The following FAM151A variants were observed in gnomAD, a reference collection of about 807,000 sequenced individuals.
The protein encoded by FAM151A is protein FAM151A.
In FAM151A, 41 loss-of-function variants were observed where a neutral mutation model predicts 40.4. The observed-to-expected ratio is 1.01, with a 90% CI of 0.79 to 1.32. FAM151A has a LOEUF of 1.32. Among genes scored for constraint, FAM151A ranks in the 40% most tolerant of loss-of-function variants. The pLI is 0.00. For synonymous variants in FAM151A, 337 were observed against 312.5 expected, an observed-to-expected ratio of 1.08 and a Z score of -0.83; for missense variants, 740 against 740.4, an observed-to-expected ratio of 1.00 and a Z score of 0.01.
At position 54,619,945 on chromosome 1, in the gene FAM151A, G is replaced by T. The variant is rs1557674081; in HGVS notation, c.181C>A (p.Gln61Lys). Reference sequence around the variant, plus strand: ...TCCAAGGCATCTCGCCGGCTGATCTGGCCCAGGCTCAGCAGGTAGTCCAGC... The same window carrying T: ...TCCAAGGCATCTCGCCGGCTGATCTTGCCCAGGCTCAGCAGGTAGTCCAGC... ...DMLDYLLSLG[Q>K]ISRRDALEVT... The change falls in exon 2 of 8, where the codon CAG becomes AAG. Residue 61 changes from glutamine (Q) to lysine (K), a missense_variant. Coordinates refer to ENST00000302250, the MANE Select transcript of FAM151A (RefSeq NM_176782.3). The T allele has an allele frequency of 6.2e-7, 1 of 1,614,038 alleles. No homozygotes were observed. The highest frequency in any genetic ancestry group is 1.3e-5 in the African/African-American group (1 of 74,924).
chr1:54,611,057 T>G (rs887125974), intron 6 of FAM151A: 1 of 972,190 alleles, frequency 1.0e-6, no homozygotes, highest in Non-Finnish European at 1.2e-6. Flanking sequence ...CTGGGCCACA[T>G]AAAAGCTGAG....
intron 2 of FAM151A, 54 bp downstream of exon 2, chr1:54,619,810 C>CT (rs1644210827): frequency 6.3e-7 from 1 of 1,581,478 alleles, no homozygotes; most frequent in Non-Finnish European, 8.6e-7. Flanking sequence ...TTCTCTCCCT[C>CT]TGTCTTCTCT....
chr1:54,610,680 G>A lies in FAM151A; in HGVS notation c.941-125C>T, dbSNP rs1644108597. 1.4e-5 allele frequency: 20 copies of A among 1,437,050 alleles called. 1 individual carries two copies. The South Asian group carries it at 3.0e-4, about 21-fold the overall frequency. 89.0% of individuals were successfully genotyped at this position (1,437,050 alleles called of 1,614,324 possible). On this transcript the variant is annotated intron_variant, in intron 6 of 7. Transcript: ENST00000302250. ...TCTAAGCCTCATAGCACCCTGCCAA[G>A]TAGCTCTCATTTCCTTGCCTTGTAG...
In FAM151A at chr1:54,609,255, C is replaced by A; in HGVS notation, c.*13G>T. On this transcript the variant is annotated 3_prime_UTR_variant, in exon 8 of 8. Transcript: ENST00000302250. ...TCCGCCCTGAGGTCCGCTGGCCCACCACCCCTGGGTGCTCAGTTTCTACCA... is the reference window on the plus strand; with the variant it reads ...TCCGCCCTGAGGTCCGCTGGCCCACAACCCCTGGGTGCTCAGTTTCTACCA... 6.3e-7 allele frequency: 1 copy of A among 1,596,134 alleles called. No homozygotes were observed. Among genetic ancestry groups the A allele is most frequent in the Non-Finnish European group, 8.6e-7 (1 of 1,168,980 alleles).
Position 54,615,762 on chromosome 1 carries a change from G to A in FAM151A, c.415+258C>T, listed in dbSNP as rs186230987. On this transcript the variant is annotated intron_variant, in intron 3 of 7. Coordinates refer to ENST00000302250, the MANE Select transcript of FAM151A (RefSeq NM_176782.3). ...AGGAGGGAGCACTCTGAGCATGCGC[G>A]GCACTTTGCAGTTCACACTGTACTG... Among the ~76,000 whole-genome samples, 20 of 152,276 alleles carry A rather than the reference G, an allele frequency of 1.3e-4. No individual in the cohort carries two copies. In the East Asian group the frequency reaches 2.5e-3, roughly 19 times the overall value.
rs1557667998 is a variant in FAM151A, at chr1:54,609,520, C to A, written c.1506G>T (p.Gln502His). Reference sequence around the variant, plus strand: ...GGAAGGACACAGGTTGCCAGAGCCCCTGGCACAACTCTAGCATATCTGTGA... The same window carrying A: ...GGAAGGACACAGGTTGCCAGAGCCCATGGCACAACTCTAGCATATCTGTGA... Reference protein sequence around the residue: ...QLLTDMLELCQGLWQPVSFQM... With the variant: ...QLLTDMLELCHGLWQPVSFQM... Residue 502 changes from glutamine to histidine, a missense_variant, in exon 8 of 8, where the codon CAG (glutamine) becomes CAT (histidine). Coordinates refer to ENST00000302250, the MANE Select transcript of FAM151A (RefSeq NM_176782.3). The A allele has an allele frequency of 6.2e-7, 1 of 1,613,156 alleles. No individual in the cohort carries two copies. The highest frequency in any genetic ancestry group is 2.2e-5 in the East Asian group (1 of 44,882).
intron 5 of FAM151A, 113 bp from the exon 6 acceptor site, chr1:54,611,858 C>T (rs965037226): frequency 3.2e-6 from 4 of 1,268,720 alleles, no homozygotes; most frequent in Non-Finnish European, 4.4e-6. Context: ...ATCTGTCCTC[C>T]AGTCGCCCAC....
At chr1:54,614,585 G>T in intron 4 of FAM151A, 115 bp downstream of exon 4, 1 of 1,072,282 alleles carries the variant, frequency 9.3e-7, no homozygotes. Context: ...TCAGAGGTGA[G>T]GCTATATATA....
intron 3 of FAM151A, 89 bp from the exon 4 acceptor site, chr1:54,614,948 G>C: frequency 7.8e-7 from 1 of 1,282,032 alleles, no homozygotes; most frequent in South Asian, 1.4e-5. Context: ...GGGTGTGTGT[G>C]TGTGTGCATG....
chr1:54,620,165 G>A (rs1644216111), intron 1 of FAM151A, among the ~76,000 whole-genome samples, 158 bp from the exon 2 acceptor site: 1 of 152,228 alleles, frequency 6.6e-6, no homozygotes, highest in South Asian at 2.1e-4. Context: ...ACAATAGAGG[G>A]AAATGAATGG....
Position 54,616,124 on chromosome 1 carries a change from G to C in FAM151A, c.311C>G (p.Thr104Arg), listed in dbSNP as rs940182473. 3.7e-6 allele frequency: 6 copies of C among 1,614,148 alleles called. No homozygotes were observed. The highest frequency in any genetic ancestry group is 5.1e-6 in the Non-Finnish European group (6 of 1,180,008). ...GATGGGAACTCCTGTCTCATTGGCT[G>C]TGCCGAGCCCTTCTACATTGACGTC... ...EADVNVEGLG[T>R]ANETGVPIMA... The change falls in exon 3 of 8, where the codon ACA (threonine) becomes AGA (arginine). Residue 104 changes from threonine (T) to arginine (R), a missense_variant. Physicochemically the swap from Thr to Arg is moderately conservative, Grantham distance 71 (BLOSUM62 -1). Transcript: ENST00000302250.
chr1:54,615,712 A>G (rs1644165931), intron 3 of FAM151A, among the ~76,000 whole-genome samples: 2 of 152,222 alleles, frequency 1.3e-5, no homozygotes, highest in African/African-American at 2.4e-5. Flanking sequence ...GGCTTTGAAC[A>G]TGTTACGTCC....
chr1:54,617,440 C>T (rs1644184288), intron 2 of FAM151A, among the ~76,000 whole-genome samples: 1 of 148,708 alleles, frequency 6.7e-6, no homozygotes, highest in Non-Finnish European at 1.5e-5. Context: ...TAAATATGTA[C>T]CTGATCATGT....
intron 1 of FAM151A, among the ~76,000 whole-genome samples, chr1:54,622,104 T>C (rs1644235580): frequency 7.0e-6 from 1 of 142,706 alleles, no homozygotes; most frequent in South Asian, 2.3e-4. Context: ...TGAAACCCCG[T>C]CTCTAGTAAA....
rs528749251 is a variant in FAM151A, at chr1:54,612,598, TCTC to T, written c.685_687del (p.Glu229del). 8.7e-4 allele frequency: 1,410 copies of T among 1,613,906 alleles called. 1 individual carries two copies. The highest frequency in any genetic ancestry group is 1.1e-3 in the Non-Finnish European group (1,284 of 1,180,000). ...ACTCCTCCCACCAGCTCGTGCATCTTCTCCACCATGGCTTGGGTGTACGTCCTG... is the reference window on the plus strand; with the variant it reads ...ACTCCTCCCACCAGCTCGTGCATCTTCACCATGGCTTGGGTGTACGTCCTG... On this transcript the variant is annotated inframe_deletion, in exon 5 of 8. Coordinates refer to ENST00000302250, the MANE Select transcript of FAM151A (RefSeq NM_176782.3).
At chr1:54,612,768 CTG>C in intron 4 of FAM151A, 58 bp from the exon 5 acceptor site, 1 of 1,338,086 alleles carries the variant, frequency 7.5e-7, no homozygotes, top group Non-Finnish European at 1.1e-6. Flanking sequence ...TTCCTCTCCT[CTG>C]GGGTCTCATC....
intron 7 of FAM151A, 95 bp from the exon 8 acceptor site, chr1:54,610,036 C>A: frequency 6.8e-7 from 1 of 1,462,682 alleles, no homozygotes; most frequent in South Asian, 1.4e-5. Context: ...GTTATGGGGT[C>A]ATCAAGGACC....
intron 1 of FAM151A, among the ~76,000 whole-genome samples, chr1:54,620,293 C>A (rs79520321): frequency 0.012 from 1,893 of 152,304 alleles, 28 homozygotes; most frequent in East Asian, 0.022. Context: ...ATTTCACAGA[C>A]AAGGGAGAAT....
intron 3 of FAM151A, 137 bp downstream of exon 3, chr1:54,615,883 A>G (rs981501995): frequency 3.5e-6 from 3 of 866,264 alleles, no homozygotes; most frequent in Non-Finnish European, 5.5e-6. Flanking sequence ...GGGCATCTAT[A>G]ACATTGTGAT....
Sources: allele counts gnomAD v4.1 joint callset (sites outside exome capture counted in the v4.1 genomes callset), GRCh38; gene constraint gnomAD v4.1.1; transcripts MANE v1.5; gene names NCBI Gene and HGNC (gene_info 2026-07-23, HGNC 2026-07-21).